Variants in CCDC50 observed in about 807,000 individuals in gnomAD.
The protein encoded by CCDC50 is coiled-coil domain containing 50.
Under a neutral mutation model 70.2 loss-of-function variants are expected in CCDC50, and 54 were observed. The ratio of observed to expected loss-of-function variants is 0.77; its 90% CI spans 0.62 to 0.96. CCDC50 has a LOEUF of 0.96. Among genes scored for constraint, CCDC50 ranks in the 50% least tolerant of loss-of-function variants. The pLI, the probability that CCDC50 is intolerant of heterozygous loss-of-function variation, is 0.00. For synonymous variants in CCDC50, 216 were observed against 198.8 expected, an observed-to-expected ratio of 1.09 and a Z score of -0.73; for missense variants, 558 against 578.7, an observed-to-expected ratio of 0.96 and a Z score of 0.37.
chr3:191,364,364 G>C (rs1462005054), intron 4 of CCDC50, among the ~76,000 whole-genome samples: 1 of 150,432 alleles, frequency 6.6e-6, no homozygotes, highest in South Asian at 2.1e-4. Context: ...ACCGCGCCCG[G>C]CCTCCTTTTT....
chr3:191,357,774 G>A (rs528246899), intron 2 of CCDC50, among the ~76,000 whole-genome samples: 21 of 151,664 alleles, frequency 1.4e-4, no homozygotes, highest in Non-Finnish European at 3.1e-4. Context: ...CTTTGTTGCC[G>A]TGTGACCAAA....
intron 5 of CCDC50, 51 bp downstream of exon 5, chr3:191,370,087 A>C: frequency 7.8e-7 from 1 of 1,280,764 alleles, no homozygotes; most frequent in Non-Finnish European, 1.1e-6. Flanking sequence ...CAACCATAAA[A>C]CACTCCTTTA....
intron 3 of CCDC50, among the ~76,000 whole-genome samples, chr3:191,358,501 A>G (rs1576958885): frequency 6.6e-6 from 1 of 152,216 alleles, no homozygotes; most frequent in East Asian, 1.9e-4. Flanking sequence ...AAATAACTTT[A>G]TGGGTTGTAT....
chr3:191,382,336 T>C (rs1171524399), intron 9 of CCDC50, among the ~76,000 whole-genome samples: 3 of 152,148 alleles, frequency 2.0e-5, no homozygotes, highest in African/African-American at 7.2e-5. Flanking sequence ...GGAAATAAGT[T>C]TGAGTGCACA....
At chr3:191,368,293 A>G (rs1217047142) in intron 4 of CCDC50, among the ~76,000 whole-genome samples, 2 of 152,096 alleles carry the variant, frequency 1.3e-5, no homozygotes, top group Non-Finnish European at 2.9e-5. Flanking sequence ...GGATTATGAT[A>G]TCTTTTACCT....
At chr3:191,337,847 A>G (rs1257987702) in intron 1 of CCDC50, among the ~76,000 whole-genome samples, 2 of 151,920 alleles carry the variant, frequency 1.3e-5, no homozygotes, top group Non-Finnish European at 2.9e-5. Flanking sequence ...TTTAGCTTAT[A>G]TTATTGGTCC....
chr3:191,382,406 T>G (rs906047229), intron 9 of CCDC50, among the ~76,000 whole-genome samples: 1 of 152,130 alleles, frequency 6.6e-6, no homozygotes, highest in Admixed American at 6.6e-5. Flanking sequence ...GTGTAGCTAT[T>G]ATGTTAATAA....
At chr3:191,342,767 G>A (rs1379079267) in intron 1 of CCDC50, among the ~76,000 whole-genome samples, 5 of 152,158 alleles carry the variant, frequency 3.3e-5, no homozygotes, top group Non-Finnish European at 7.3e-5. Context: ...GGGATACATG[G>A]AATAAAAATA....
intron 11 of CCDC50, among the ~76,000 whole-genome samples, chr3:191,390,073 A>G (rs1349209389): frequency 1.3e-5 from 2 of 151,812 alleles, no homozygotes; most frequent in African/African-American, 2.4e-5. Context: ...ATGTCACCCC[A>G]GGCTGGACTC....
At chr3:191,341,528 A>G (rs150912679) in intron 1 of CCDC50, among the ~76,000 whole-genome samples, 1 of 152,322 alleles carries the variant, frequency 6.6e-6, no homozygotes, top group East Asian at 1.9e-4. Context: ...GTTGCTCTGT[A>G]TACTCTGTTT....
intron 3 of CCDC50, 126 bp downstream of exon 3, chr3:191,358,250 T>G (rs545587772): frequency 8.2e-7 from 1 of 1,221,646 alleles, no homozygotes; most frequent in South Asian, 1.4e-5. Context: ...ATTACAAATC[T>G]TACCCTGGAT....
At chr3:191,386,262 C>A (rs1576975994) in intron 10 of CCDC50, among the ~76,000 whole-genome samples, 1 of 130,354 alleles carries the variant, frequency 7.7e-6, no homozygotes, top group Non-Finnish European at 1.5e-5. Flanking sequence ...TCTCACTCTG[C>A]CACCCAGGCT....
chr3:191,333,325 T>C (rs564696342), intron 1 of CCDC50, among the ~76,000 whole-genome samples: 220 of 152,284 alleles, frequency 1.4e-3, no homozygotes, highest in Middle Eastern at 0.01. Context: ...TGGCATAATG[T>C]GTTAAATTAA....
At chr3:191,370,058 T>G (rs1193887292) in intron 5 of CCDC50, 22 bp downstream of exon 5, 5 of 1,476,864 alleles carry the variant, frequency 3.4e-6, no homozygotes, top group Non-Finnish European at 4.7e-6. Context: ...TGCATCATGA[T>G]CTATTCTATC....
intron 10 of CCDC50, among the ~76,000 whole-genome samples, chr3:191,383,564 T>A (rs971714760): frequency 2.6e-5 from 4 of 152,206 alleles, no homozygotes; most frequent in Middle Eastern, 6.3e-3. Flanking sequence ...AATTTTATTC[T>A]TATTTGTTAA....
At chr3:191,332,657 G>C (rs1271495677) in intron 1 of CCDC50, among the ~76,000 whole-genome samples, 1 of 152,168 alleles carries the variant, frequency 6.6e-6, no homozygotes, top group African/African-American at 2.4e-5. Flanking sequence ...AAAGTTTCTT[G>C]GAGTTCAGAG....
At chr3:191,344,334 T>C (rs1463618252) in intron 1 of CCDC50, among the ~76,000 whole-genome samples, 1 of 152,230 alleles carries the variant, frequency 6.6e-6, no homozygotes, top group East Asian at 1.9e-4. Context: ...TTCTGTATTC[T>C]GTACTGTCCA....
At chr3:191,383,908 A>T (rs1713405446) in intron 10 of CCDC50, among the ~76,000 whole-genome samples, 1 of 152,158 alleles carries the variant, frequency 6.6e-6, no homozygotes, top group Non-Finnish European at 1.5e-5. Flanking sequence ...GCAGCAGCTA[A>T]TCTGTTCTTA....
chr3:191,363,028 A>G (rs1712548928), intron 4 of CCDC50, among the ~76,000 whole-genome samples: 1 of 151,744 alleles, frequency 6.6e-6, no homozygotes, highest in Non-Finnish European at 1.5e-5. Context: ...AAAAAATACC[A>G]GAGTAGTGAA....
Sources: gnomAD v4.1 joint callset for allele counts (sites outside exome capture counted in the v4.1 genomes callset) on GRCh38, gnomAD v4.1.1 for gene constraint, MANE v1.5 for transcripts, NCBI Gene and HGNC (gene_info 2026-07-23, HGNC 2026-07-21) for gene names.